PCGF5: variants seen among roughly 807,000 people sequenced by gnomAD.
The protein encoded by PCGF5 is polycomb group RING finger protein 5.
Under a neutral mutation model 44.3 loss-of-function variants are expected in PCGF5, and 9 were observed. The ratio of observed to expected loss-of-function variants is 0.20; its 90% CI spans 0.12 to 0.35. The LOEUF is 0.35. PCGF5 is among the 10% of genes least tolerant of loss of function. PCGF5 has a pLI of 1.00. For missense variants in PCGF5, 146 were observed against 305.3 expected, an observed-to-expected ratio of 0.48 and a Z score of 3.89; for synonymous variants, 95 against 102.5, an observed-to-expected ratio of 0.93 and a Z score of 0.44.
intron 5 of PCGF5, among the ~76,000 whole-genome samples, chr10:91,250,690 G>C (rs1360102162): frequency 6.6e-6 from 1 of 151,424 alleles, no homozygotes; most frequent in South Asian, 2.1e-4. Context: ...TTTGTAATAG[G>C]TGAAATACAT....
intron 1 of PCGF5, among the ~76,000 whole-genome samples, chr10:91,202,114 C>T (rs1490087517): frequency 6.6e-6 from 1 of 152,156 alleles, no homozygotes; most frequent in African/African-American, 2.4e-5. Context: ...GTACTCACCC[C>T]CTAGGATTAT....
chr10:91,261,283 T>A (rs750288642), intron 6 of PCGF5, 43 bp from the exon 7 acceptor site: 1 of 1,422,780 alleles, frequency 7.0e-7, no homozygotes, highest in East Asian at 2.5e-5. Context: ...TAGAACATTT[T>A]AACTGGTAGA....
chr10:91,263,527 C>T (rs575005416), intron 7 of PCGF5, among the ~76,000 whole-genome samples: 5 of 152,306 alleles, frequency 3.3e-5, no homozygotes, highest in African/African-American at 1.2e-4. Flanking sequence ...ACTCATTCTT[C>T]TTCCCCTCCC....
At chr10:91,159,106 A>G (rs760497600), upstream of PCGF5, among the ~76,000 whole-genome samples, 17 of 152,210 alleles carry the variant, frequency 1.1e-4, no homozygotes, top group Non-Finnish European at 2.4e-4. Context: ...CTAGAGGAGC[A>G]CCATATCTTC....
At chr10:91,201,685 C>T (rs775353636) in intron 1 of PCGF5, among the ~76,000 whole-genome samples, 3 of 151,924 alleles carry the variant, frequency 2.0e-5, no homozygotes, top group Non-Finnish European at 2.9e-5. Context: ...TACTGTAACA[C>T]CTCATTTGTT....
At position 91,278,516 on chromosome 10, in the gene PCGF5, A is replaced by G. The variant is rs1160334200; in HGVS notation, c.*200A>G. On this transcript the variant is annotated 3_prime_UTR_variant, in exon 10 of 10. Coordinates refer to ENST00000336126, the MANE Select transcript of PCGF5 (RefSeq NM_032373.5). Reference sequence around the variant, plus strand: ...CAAACCAAGTGCCATTCTGCTACTGAACCATCTGCATAAGGTATTTGTGTT... The same window carrying G: ...CAAACCAAGTGCCATTCTGCTACTGGACCATCTGCATAAGGTATTTGTGTT... The G allele has an allele frequency of 8.6e-6, 5 of 583,026 alleles. No individual in the cohort carries two copies. The East Asian group carries it at 1.4e-4, about 17-fold the overall frequency. 36.1% of individuals were successfully genotyped at this position (583,026 alleles called of 1,614,324 possible). A position where few individuals can be genotyped will look rare whatever the true frequency, so the allele number is the denominator to read the frequency against.
rs531229938 is a variant in PCGF5, at chr10:91,184,900, C to T, written c.-184+21819C>T. Among the ~76,000 whole-genome samples the T allele has an allele frequency of 3.3e-5, 5 of 152,272 alleles. No homozygotes were observed. In the South Asian group the frequency reaches 6.2e-4, roughly 19 times the overall value. On this transcript the variant is annotated intron_variant, in intron 1 of 9. Transcript: ENST00000614189. The stretch of plus-strand genomic sequence containing the variant: ...ACCCCTTCCTGTGGGAGTCCCATCC[C>T]AGGGAGTTATGGACCTGTTGCCAGC...
intron 2 of PCGF5, chr10:91,227,374 A>G (rs1844872173): frequency 5.5e-6 from 7 of 1,271,210 alleles, no homozygotes; most frequent in Non-Finnish European, 7.2e-6. Context: ...GGATGTCCTG[A>G]AGCCACCTGA....
intron 1 of PCGF5, among the ~76,000 whole-genome samples, chr10:91,196,069 T>C (rs1050554192): frequency 2.0e-5 from 3 of 151,512 alleles, no homozygotes; most frequent in Admixed American, 6.6e-5. Flanking sequence ...TGTTGCCCCA[T>C]GGGGTGTTAA....
At chr10:91,265,475 T>C (rs1846029724) in intron 8 of PCGF5, among the ~76,000 whole-genome samples, 2 of 152,180 alleles carry the variant, frequency 1.3e-5, no homozygotes, top group African/African-American at 2.4e-5. Flanking sequence ...TGCCATACTC[T>C]GTGTAATTTA....
intron 9 of PCGF5, among the ~76,000 whole-genome samples, chr10:91,277,295 G>A (rs549186854): frequency 1.3e-5 from 2 of 152,272 alleles, no homozygotes; most frequent in East Asian, 3.9e-4. Flanking sequence ...AGAATACAAA[G>A]TTCTCTATAC....
chr10:91,258,949 A>C (rs1253992098), intron 6 of PCGF5, among the ~76,000 whole-genome samples: 2 of 152,298 alleles, frequency 1.3e-5, no homozygotes, highest in Non-Finnish European at 2.9e-5. Flanking sequence ...TTTCCTATAC[A>C]TACAAATAGG....
chr10:91,221,892 A>C (rs530497065), intron 1 of PCGF5, among the ~76,000 whole-genome samples: 1 of 152,364 alleles, frequency 6.6e-6, no homozygotes, highest in Admixed American at 6.5e-5. Context: ...AGTAAGCATT[A>C]AAAACTAGGG....
chr10:91,272,698 A>G (rs1846208565), intron 9 of PCGF5, among the ~76,000 whole-genome samples: 4 of 152,134 alleles, frequency 2.6e-5, no homozygotes, highest in Admixed American at 1.3e-4. Context: ...GCTTGAGCCC[A>G]GGAAATGGAG....
At chr10:91,223,041 T>C in intron 2 of PCGF5, 58 bp downstream of exon 2, 5 of 1,137,034 alleles carry the variant, frequency 4.4e-6, no homozygotes, top group Non-Finnish European at 6.6e-6. Context: ...TTTTGTTCTT[T>C]TAAAATTGCC....
Position 91,185,181 on chromosome 10 carries a change from A to C in PCGF5, c.-184+22100A>C, listed in dbSNP as rs182141068. On this transcript the variant is annotated intron_variant, in intron 1 of 9. Coordinates refer to the PCGF5 transcript ENST00000614189. ...GGGAACTCTCTCCCAGGAGGTTCTT[A>C]AATCTCTGTCAGCCAGAAAACACCA... Among the ~76,000 whole-genome samples, 13 of 151,890 alleles carry C rather than the reference A, an allele frequency of 8.6e-5. 1 individual carries two copies. In the East Asian group the frequency reaches 1.6e-3, roughly 18 times the overall value.
chr10:91,200,020 G>A (rs568927620), intron 1 of PCGF5, among the ~76,000 whole-genome samples: 2 of 152,296 alleles, frequency 1.3e-5, no homozygotes, highest in Admixed American at 6.5e-5. Context: ...TAGTCTACAC[G>A]CTTCAGGCTA....
At chr10:91,235,812 C>T (rs1346688886) in intron 2 of PCGF5, among the ~76,000 whole-genome samples, 1 of 152,194 alleles carries the variant, frequency 6.6e-6, no homozygotes, top group Non-Finnish European at 1.5e-5. Flanking sequence ...ACTTGCTCCT[C>T]CTTGCCTTCT....
At chr10:91,267,585 G>T (rs1230629959) in intron 8 of PCGF5, among the ~76,000 whole-genome samples, 1 of 152,136 alleles carries the variant, frequency 6.6e-6, no homozygotes, top group African/African-American at 2.4e-5. Flanking sequence ...TTATTTATCT[G>T]AATCTCAGCT....
Sources: gnomAD v4.1 joint callset for allele counts (sites outside exome capture counted in the v4.1 genomes callset) on GRCh38, gnomAD v4.1.1 for gene constraint, MANE v1.5 for transcripts, NCBI Gene and HGNC (gene_info 2026-07-23, HGNC 2026-07-21) for gene names.